The following CCDC15 variants were observed in gnomAD, a reference collection of about 807,000 sequenced individuals.
CCDC15 encodes the protein coiled-coil domain-containing protein 15.
In CCDC15, 105 loss-of-function variants were observed where a neutral mutation model predicts 114.5. That is an observed-to-expected ratio of 0.92 (90% CI 0.78 to 1.08). The LOEUF (loss-of-function observed/expected upper bound fraction) is 1.08, where lower values mean the gene tolerates loss of function less well. Ranked by LOEUF, CCDC15 falls within the 50% of genes least tolerant of loss-of-function variation. The pLI, the probability that CCDC15 is intolerant of heterozygous loss-of-function variation, is 0.00. For synonymous variants in CCDC15, 334 were observed against 377.8 expected (o/e 0.88, Z 1.34); for missense variants, 1,105 against 1,093.6 (o/e 1.01, Z -0.15).
chr11:124,971,978 A>G (rs1947890711), intron 4 of CCDC15, among the ~76,000 whole-genome samples: 1 of 152,128 alleles, frequency 6.6e-6, no homozygotes, highest in Non-Finnish European at 1.5e-5. Flanking sequence ...TTATAGTTAT[A>G]TTGTAATTTT....
chr11:124,987,997 G>A lies in CCDC15; in HGVS notation c.1771G>A (p.Gly591Ser), dbSNP rs1165951395. Residue 591 changes from glycine (G) to serine (S), a missense_variant, in exon 8 of 16, where the codon GGT (glycine) becomes AGT (serine). By Grantham distance (56) the Gly-to-Ser change is moderately conservative. Transcript: ENST00000344762. ...CCAGGATTTTCTACCCAGAGACCAA[G>A]GTTATCTTCCTAAAGACCAAAATAT... The part of the protein sequence containing the change: ...QDQDFLPRDQ[G>S]YLPKDQNILP... The A allele has an allele frequency of 6.2e-7, 1 of 1,613,404 alleles. No individual in the cohort carries two copies. Among genetic ancestry groups the A allele is most frequent in the Non-Finnish European group, 8.5e-7 (1 of 1,179,692 alleles).
intron 13 of CCDC15, among the ~76,000 whole-genome samples, chr11:125,034,250 A>G (rs1948760691): frequency 6.6e-6 from 1 of 152,204 alleles, no homozygotes; most frequent in African/African-American, 2.4e-5. Context: ...CAGAGTTTAC[A>G]AGCTCAGTGT....
In CCDC15 at chr11:125,008,912, A is replaced by C. The variant is rs140583345; in HGVS notation, c.2411+3700A>C. 2.4e-4 allele frequency among the ~76,000 whole-genome samples: 37 copies of C among 152,200 alleles called. No individual in the cohort carries two copies. In the East Asian group the frequency reaches 7.0e-3, roughly 29 times the overall value. On this transcript the variant is annotated intron_variant, in intron 13 of 15. Coordinates refer to ENST00000344762, the MANE Select transcript of CCDC15 (RefSeq NM_025004.3). ...AACTTCATTGTGCCTACTAACTTCT[A>C]AACAATGCATAAAAAGTTATAATGA...
intron 4 of CCDC15, among the ~76,000 whole-genome samples, chr11:124,970,136 A>T (rs1947856037): frequency 6.6e-6 from 1 of 152,136 alleles, no homozygotes; most frequent in East Asian, 1.9e-4. Flanking sequence ...TGGTATTGTC[A>T]TCTCCTCATC....
intron 13 of CCDC15, among the ~76,000 whole-genome samples, chr11:125,036,828 A>G (rs1948778385): frequency 6.6e-6 from 1 of 151,982 alleles, no homozygotes; most frequent in South Asian, 2.1e-4. Context: ...CTTTTAAATT[A>G]TTTCAATCTC....
rs1350841622 is a variant in CCDC15 at position 124,991,597 on chromosome 11, A to G, written c.2031+14A>G. ...ATCAAAAATCAGGTAGAGTAGAAGA[A>G]AAAGATATAAACAGGAAGGAAGTAC... On this transcript the variant is annotated intron_variant, in intron 9 of 15. Coordinates refer to ENST00000344762, the MANE Select transcript of CCDC15 (RefSeq NM_025004.3). The G allele has an allele frequency of 6.3e-7, 1 of 1,588,960 alleles. No individual in the cohort carries two copies. The highest frequency in any genetic ancestry group is 8.6e-7 in the Non-Finnish European group (1 of 1,167,840).
At chr11:125,020,545 C>T (rs1281155561) in intron 13 of CCDC15, among the ~76,000 whole-genome samples, 1 of 151,970 alleles carries the variant, frequency 6.6e-6, no homozygotes, top group Non-Finnish European at 1.5e-5. Flanking sequence ...ACACCCAATG[C>T]AGCACGTTTA....
At chr11:124,986,516 A>G (rs1480785066) in intron 6 of CCDC15, among the ~76,000 whole-genome samples, 1 of 152,096 alleles carries the variant, frequency 6.6e-6, no homozygotes, top group African/African-American at 2.4e-5. Context: ...ATTTCTTTCA[A>G]TTATCTTTTT....
chr11:124,974,147 T>G (rs12288226), intron 4 of CCDC15, among the ~76,000 whole-genome samples: 30,835 of 151,718 alleles, frequency 0.2, 3,724 homozygotes, highest in African/African-American at 0.34. Flanking sequence ...GCTAATTTTT[T>G]TATTTTTAGT....
At position 124,964,955 on chromosome 11, in the gene CCDC15, A is replaced by G. The variant is rs576922519; in HGVS notation, c.516+4952A>G. Among the ~76,000 whole-genome samples, 228 of 151,682 alleles carry G rather than the reference A, an allele frequency of 1.5e-3. 4 individuals carry two copies. Among genetic ancestry groups the G allele is most frequent in the South Asian group, 8.3e-4 (4 of 4,792 alleles). ...TGATGGCGTACGTTTATTGATTTGCATTTGTTGAACCAGCCTTGCATCCCA... is the reference window on the plus strand; with the variant it reads ...TGATGGCGTACGTTTATTGATTTGCGTTTGTTGAACCAGCCTTGCATCCCA... On this transcript the variant is annotated intron_variant, in intron 4 of 15. Transcript: ENST00000344762.
chr11:124,961,054 T>A (rs1377802155), intron 4 of CCDC15, among the ~76,000 whole-genome samples: 2 of 152,378 alleles, frequency 1.3e-5, no homozygotes, highest in East Asian at 3.9e-4. Context: ...TATTTGACTC[T>A]TTCTTGTCAT....
chr11:124,991,875 G>A (rs993638631), intron 9 of CCDC15, among the ~76,000 whole-genome samples: 2 of 152,164 alleles, frequency 1.3e-5, no homozygotes, highest in African/African-American at 4.8e-5. Context: ...GTAGAGATGG[G>A]GTTTCAACAT....
intron 13 of CCDC15, among the ~76,000 whole-genome samples, chr11:125,008,750 T>C (rs1948568495): frequency 6.6e-6 from 1 of 151,942 alleles, no homozygotes. Context: ...TGGAGTGCAG[T>C]GGCGTGATCT....
intron 12 of CCDC15, 121 bp downstream of exon 12, chr11:125,004,080 A>T: frequency 2.1e-6 from 1 of 480,912 alleles, no homozygotes; most frequent in Non-Finnish European, 3.5e-6. Context: ...CAAATTTCAT[A>T]AATCAAATAA....
rs891632513 is a variant in CCDC15 at position 124,993,172 on chromosome 11, A to G, written c.2143A>G (p.Lys715Glu). 1.9e-6 allele frequency: 3 copies of G among 1,596,590 alleles called. No individual in the cohort carries two copies. The highest frequency in any genetic ancestry group is 2.7e-5 in the African/African-American group (2 of 74,582). The change falls in exon 11 of 16, where the codon AAG (lysine) becomes GAG (glutamate). Residue 715 changes from lysine to glutamate, a missense_variant. By Grantham distance (56) the Lys-to-Glu change is moderately conservative (BLOSUM62 1). Transcript: ENST00000344762. ...QDQDSPREQN[K>E]HIKLPSSFEK... ...TTGTATTTTGTTGTTCCTTTAGAAC[A>G]AGCATATCAAACTACCCTCATCTTT...
chr11:124,990,607 A>G (rs897711699), intron 8 of CCDC15, among the ~76,000 whole-genome samples: 3 of 152,262 alleles, frequency 2.0e-5, no homozygotes, highest in African/African-American at 4.8e-5. Flanking sequence ...TCAAAACTCC[A>G]GTGCTCTTAC....
chr11:124,959,601 A>G (rs149420217), intron 3 of CCDC15, among the ~76,000 whole-genome samples: 118 of 152,316 alleles, frequency 7.7e-4, no homozygotes, highest in Non-Finnish European at 1.5e-3. Context: ...TAAGGATATG[A>G]TACTTCTCTC....
Position 125,014,448 on chromosome 11 carries a change from C to T in CCDC15, c.2411+9236C>T, listed in dbSNP as rs566342445. On this transcript the variant is annotated intron_variant, in intron 13 of 15. Transcript: ENST00000344762. ...ACAACAGAAGCAGACTCAGATGACA[C>T]AAGATACTAGTATTAGTAGACTTTA... Among the ~76,000 whole-genome samples the T allele has an allele frequency of 2.0e-4, 31 of 152,156 alleles. No homozygotes were observed. In the South Asian group the frequency reaches 4.2e-3, roughly 20 times the overall value.
intron 11 of CCDC15, 141 bp from the exon 12 acceptor site, chr11:125,003,726 C>T (rs771506175): frequency 3.6e-6 from 2 of 549,922 alleles, no homozygotes; most frequent in Non-Finnish European, 6.4e-6. Context: ...TGATTTTATT[C>T]TTTATATTCA....
Sources: gnomAD v4.1 joint callset for allele counts (sites outside exome capture counted in the v4.1 genomes callset) on GRCh38, gnomAD v4.1.1 for gene constraint, MANE v1.5 for transcripts, NCBI Gene and HGNC (gene_info 2026-07-23, HGNC 2026-07-21) for gene names.